The following REEP1 variants were observed in gnomAD, a reference collection of about 807,000 sequenced individuals.
REEP1 encodes the protein receptor accessory protein 1.
REEP1 carries 22 observed loss-of-function variants against 40.3 expected under a neutral mutation model. The observed-to-expected ratio is 0.55, with a 90% CI of 0.39 to 0.78. The LOEUF (loss-of-function observed/expected upper bound fraction) is 0.78, where lower values mean the gene tolerates loss of function less well. REEP1 is among the 30% of genes least tolerant of loss of function. The pLI, the probability that REEP1 is intolerant of heterozygous loss-of-function variation, is 0.00. For synonymous variants in REEP1, 116 were observed against 139.2 expected, an observed-to-expected ratio of 0.83 and a Z score of 1.17; for missense variants, 280 against 361.1, an observed-to-expected ratio of 0.78 and a Z score of 1.82.
intron 1 of REEP1, among the ~76,000 whole-genome samples, chr2:86,323,953 T>C (rs1008661314): frequency 1.3e-5 from 2 of 152,052 alleles, no homozygotes; most frequent in Non-Finnish European, 2.9e-5. Flanking sequence ...AACTGGCTTT[T>C]CATGTGAAGA....
At chr2:86,242,629 G>A (rs1250698282) in intron 5 of REEP1, among the ~76,000 whole-genome samples, 3 of 152,138 alleles carry the variant, frequency 2.0e-5, no homozygotes, top group Non-Finnish European at 4.4e-5. Flanking sequence ...TGGAAACAGC[G>A]CTCAGAGTTG....
intron 5 of REEP1, among the ~76,000 whole-genome samples, chr2:86,237,100 G>A (rs576361368): frequency 8.5e-5 from 13 of 152,232 alleles, no homozygotes; most frequent in African/African-American, 2.6e-4. Flanking sequence ...AATTGCTGCC[G>A]CCCTGACATC....
chr2:86,230,464 C>A (rs963158395), intron 6 of REEP1, among the ~76,000 whole-genome samples: 4 of 152,348 alleles, frequency 2.6e-5, no homozygotes, highest in African/African-American at 9.6e-5. Context: ...CAAAGGGACG[C>A]CAGGGCCACC....
intron 8 of REEP1, among the ~76,000 whole-genome samples, chr2:86,218,515 C>T (rs537414020): frequency 2.6e-5 from 4 of 152,364 alleles, no homozygotes; most frequent in South Asian, 2.1e-4. Flanking sequence ...ACACTGAAAA[C>T]GGAAACAACG....
chr2:86,331,534 G>T lies in REEP1; in HGVS notation c.32+5945C>A, dbSNP rs556887123. Among the ~76,000 whole-genome samples, 37 of 152,174 alleles carry T rather than the reference G, an allele frequency of 2.4e-4. 2 individuals are homozygous for T. The East Asian group carries it at 6.8e-3, about 28-fold the overall frequency. On this transcript the variant is annotated intron_variant, in intron 1 of 8. Transcript: ENST00000538924. ...CAGTGAAAGGAAAAAAAAAAGGTGG[G>T]GGGGCGGGGAATGTAGTATAGATAC...
At chr2:86,331,479 G>A (rs1680757895) in intron 1 of REEP1, among the ~76,000 whole-genome samples, 1 of 151,682 alleles carries the variant, frequency 6.6e-6, no homozygotes, top group Non-Finnish European at 1.5e-5. Flanking sequence ...GTATGCAGGA[G>A]AATGCCTAAG....
chr2:86,284,440 T>A (rs1678277566), intron 1 of REEP1, among the ~76,000 whole-genome samples: 1 of 152,140 alleles, frequency 6.6e-6, no homozygotes, highest in South Asian at 2.1e-4. Context: ...ACGTGTTCAC[T>A]GTGTGAAGTA....
At chr2:86,232,846 A>G (rs956071839) in intron 5 of REEP1, 44 bp from the exon 6 acceptor site, 4 of 1,575,630 alleles carry the variant, frequency 2.5e-6, no homozygotes, top group Non-Finnish European at 3.4e-6. Context: ...GTCCTGCTCC[A>G]CAGGTCACAC....
At chr2:86,226,463 CTTTTCTTTTTTT>C (rs1674708808) in intron 7 of REEP1, among the ~76,000 whole-genome samples, 1 of 28,962 alleles carries the variant, frequency 3.5e-5, no homozygotes, top group African/African-American at 6.6e-5. Context: ...GTGGCTTTTT[CTTTTCTTTTTTT>C]TTTTTTTTTT....
chr2:86,236,639 C>T (rs750373616), intron 5 of REEP1, among the ~76,000 whole-genome samples: 5 of 151,950 alleles, frequency 3.3e-5, no homozygotes, highest in Non-Finnish European at 5.9e-5. Flanking sequence ...AGGTAGATCC[C>T]GTTTCTATTT....
At chr2:86,273,998 C>A (rs767368390) in intron 2 of REEP1, among the ~76,000 whole-genome samples, 2 of 152,148 alleles carry the variant, frequency 1.3e-5, no homozygotes, top group Admixed American at 6.5e-5. Flanking sequence ...AGAATGCTGG[C>A]ACTGTGAATG....
chr2:86,227,502 G>A lies in REEP1; in HGVS notation c.596-104C>T, dbSNP rs1674772954. 5 of 911,678 alleles carry A rather than the reference G, an allele frequency of 5.5e-6. No homozygotes were observed. The Admixed American group carries it at 2.1e-4, about 39-fold the overall frequency. The allele number at this position is 911,678 out of a possible 1,614,324, so 56.5% of individuals were successfully genotyped here. On this transcript the variant is annotated intron_variant, in intron 6 of 8. Coordinates refer to ENST00000538924, the MANE Select transcript of REEP1 (RefSeq NM_001371279.1). ...TGGAGAGGTGTGGGGATCCCAGTGT[G>A]TACAATATAGGGATCCCAGGAAGGT...
At chr2:86,267,830 T>C (rs1297589904) in intron 2 of REEP1, among the ~76,000 whole-genome samples, 1 of 150,988 alleles carries the variant, frequency 6.6e-6, no homozygotes, top group Non-Finnish European at 1.5e-5. Context: ...TCTAAATATA[T>C]AAAAAACTCT....
intron 5 of REEP1, among the ~76,000 whole-genome samples, chr2:86,243,473 G>A (rs369918617): frequency 1.6e-4 from 25 of 152,326 alleles, no homozygotes; most frequent in African/African-American, 3.6e-4. Context: ...CGCCAACTCC[G>A]TGTGAATTCC....
chr2:86,313,708 A>G (rs1679866544), intron 1 of REEP1, among the ~76,000 whole-genome samples: 1 of 152,202 alleles, frequency 6.6e-6, no homozygotes, highest in Admixed American at 6.5e-5. Context: ...ATCAAGGGCC[A>G]GGCCAGTGAT....
intron 1 of REEP1, among the ~76,000 whole-genome samples, chr2:86,291,074 G>A (rs1005881421): frequency 1.3e-5 from 2 of 152,196 alleles, no homozygotes; most frequent in African/African-American, 4.8e-5. Flanking sequence ...AACAGGTTTA[G>A]TGAAAATAAA....
chr2:86,330,195 A>G (rs1488615066), intron 1 of REEP1, among the ~76,000 whole-genome samples: 1 of 152,240 alleles, frequency 6.6e-6, no homozygotes, highest in African/African-American at 2.4e-5. Flanking sequence ...CCAGTTGCAC[A>G]ATACCATATT....
intron 1 of REEP1, among the ~76,000 whole-genome samples, chr2:86,305,638 A>G (rs1679446514): frequency 6.6e-6 from 1 of 152,064 alleles, no homozygotes; most frequent in Non-Finnish European, 1.5e-5. Flanking sequence ...CCTTCTACCA[A>G]GTGCCCCTGG....
chr2:86,327,849 G>A (rs1383414162), intron 1 of REEP1, among the ~76,000 whole-genome samples: 1 of 152,158 alleles, frequency 6.6e-6, no homozygotes, highest in Non-Finnish European at 1.5e-5. Flanking sequence ...TTACAGGCAT[G>A]AGCCACCGTG....
Sources: gnomAD v4.1 joint callset for allele counts (sites outside exome capture counted in the v4.1 genomes callset) on GRCh38, gnomAD v4.1.1 for gene constraint, MANE v1.5 for transcripts, NCBI Gene and HGNC (gene_info 2026-07-23, HGNC 2026-07-21) for gene names.